CPNE8: variants seen among roughly 807,000 people sequenced by gnomAD.
CPNE8 encodes the protein copine-8.
A neutral mutation model predicts 81.5 loss-of-function variants in CPNE8; 45 were observed. That is an observed-to-expected ratio of 0.55 (90% CI 0.44 to 0.71). The LOEUF (loss-of-function observed/expected upper bound fraction) is 0.71. CPNE8 is among the 30% of genes least tolerant of loss of function. The pLI is 0.00. For missense variants in CPNE8, 594 were observed against 672.1 expected (o/e 0.88, Z 1.28); for synonymous variants, 252 against 226.3 (o/e 1.11, Z -1.02).
rs560592400 is a variant in CPNE8, at chr12:38,833,331, G to A, written c.331-3876C>T. Among the ~76,000 whole-genome samples the A allele has an allele frequency of 1.2e-4, 16 of 132,046 alleles. No individual in the cohort carries two copies. In the South Asian group the frequency reaches 1.3e-3, roughly 10 times the overall value. 86.6% of individuals were successfully genotyped at this position (132,046 alleles called of 152,430 possible). On this transcript the variant is annotated intron_variant, in intron 5 of 19. Coordinates refer to ENST00000331366, the MANE Select transcript of CPNE8 (RefSeq NM_153634.3). ...CGTGGCACTGTACTCCAGCCTGGGC[G>A]ACAGAGTGAGACCTTATCTCAAAAA...
At chr12:38,679,609 T>C (rs1250969467) in intron 16 of CPNE8, 1 of 985,006 alleles carries the variant, frequency 1.0e-6, no homozygotes, top group Non-Finnish European at 1.2e-6. Flanking sequence ...CAATCCATTT[T>C]AGTCTTTATC....
intron 6 of CPNE8, among the ~76,000 whole-genome samples, chr12:38,791,762 A>G (rs1301947115): frequency 6.6e-6 from 1 of 151,670 alleles, no homozygotes; most frequent in African/African-American, 2.4e-5. Flanking sequence ...AGAATATGTC[A>G]CTCAATAACA....
At chr12:38,810,012 T>TC (rs1482358274) in intron 6 of CPNE8, among the ~76,000 whole-genome samples, 2 of 152,194 alleles carry the variant, frequency 1.3e-5, no homozygotes, top group Non-Finnish European at 2.9e-5. Context: ...GGTTCACAAC[T>TC]CCATCAACTG....
intron 13 of CPNE8, among the ~76,000 whole-genome samples, chr12:38,711,747 G>A (rs992571188): frequency 2.0e-5 from 3 of 152,142 alleles, no homozygotes; most frequent in Non-Finnish European, 2.9e-5. Context: ...GGGATTACAG[G>A]CATGACCCAC....
At chr12:38,837,340 T>C (rs1472978519) in intron 5 of CPNE8, among the ~76,000 whole-genome samples, 2 of 152,086 alleles carry the variant, frequency 1.3e-5, no homozygotes, top group Non-Finnish European at 2.9e-5. Flanking sequence ...GCACATGATC[T>C]GGAAGGAAAA....
intron 1 of CPNE8, among the ~76,000 whole-genome samples, chr12:38,886,685 T>A (rs1944241977): frequency 6.6e-6 from 1 of 152,158 alleles, no homozygotes; most frequent in South Asian, 2.1e-4. Flanking sequence ...TTGCCTTCTA[T>A]GAAATTAAAA....
chr12:38,807,539 G>A (rs1942838123), intron 6 of CPNE8, among the ~76,000 whole-genome samples: 1 of 150,194 alleles, frequency 6.7e-6, no homozygotes, highest in African/African-American at 2.4e-5. Context: ...TGGGAAAACT[G>A]GCTAGCCATA....
At chr12:38,861,617 T>C (rs992226119) in intron 3 of CPNE8, among the ~76,000 whole-genome samples, 7 of 152,128 alleles carry the variant, frequency 4.6e-5, no homozygotes, top group African/African-American at 1.7e-4. Context: ...AATAAAATTA[T>C]ATTTTCATCA....
chr12:38,711,427 A>C (rs1450214983), intron 13 of CPNE8, among the ~76,000 whole-genome samples: 1 of 152,132 alleles, frequency 6.6e-6, no homozygotes, highest in Non-Finnish European at 1.5e-5. Flanking sequence ...CACAATCATA[A>C]AGTATGTAAC....
chr12:38,810,142 C>T (rs752480614), intron 6 of CPNE8, among the ~76,000 whole-genome samples: 4 of 151,948 alleles, frequency 2.6e-5, no homozygotes, highest in Non-Finnish European at 5.9e-5. Context: ...TATACTCTCC[C>T]TCTCTCTCTT....
chr12:38,741,148 C>T (rs1020341955), intron 10 of CPNE8, among the ~76,000 whole-genome samples: 1 of 152,152 alleles, frequency 6.6e-6, no homozygotes, highest in African/African-American at 2.4e-5. Flanking sequence ...ATCAAGCTAC[C>T]AATGACTTTC....
At chr12:38,834,475 T>C (rs1483787045) in intron 5 of CPNE8, among the ~76,000 whole-genome samples, 1 of 152,164 alleles carries the variant, frequency 6.6e-6, no homozygotes, top group Non-Finnish European at 1.5e-5. Flanking sequence ...CTTCTCTTAT[T>C]TTTACACTGG....
intron 6 of CPNE8, among the ~76,000 whole-genome samples, chr12:38,783,015 T>C (rs1390371796): frequency 6.6e-6 from 1 of 152,164 alleles, no homozygotes; most frequent in Non-Finnish European, 1.5e-5. Context: ...TGAAATTATA[T>C]CAGAAAAGAA....
intron 10 of CPNE8, among the ~76,000 whole-genome samples, chr12:38,756,915 TA>T (rs1478159318): frequency 6.6e-6 from 1 of 152,180 alleles, no homozygotes; most frequent in Non-Finnish European, 1.5e-5. Context: ...TTAGTATTTT[TA>T]AAAAGTAAAA....
At chr12:38,874,190 C>A (rs1431559450) in intron 2 of CPNE8, among the ~76,000 whole-genome samples, 1 of 152,012 alleles carries the variant, frequency 6.6e-6, no homozygotes, top group Non-Finnish European at 1.5e-5. Context: ...AGTTTTCTTT[C>A]AAATATAATA....
rs566776488 is a variant in CPNE8 at position 38,784,261 on chromosome 12, A to G, written c.408-7960T>C. Among the ~76,000 whole-genome samples, 41 of 152,348 alleles carry G rather than the reference A, an allele frequency of 2.7e-4. 1 individual carries two copies. The South Asian group carries it at 7.1e-3, about 26-fold the overall frequency. On this transcript the variant is annotated intron_variant, in intron 6 of 19. Transcript: ENST00000331366. ...CAGTCTTTTAATGGCAGAGTTGATC[A>G]TGCAGAATAAAGAATTAGTGAGCTT...
intron 7 of CPNE8, among the ~76,000 whole-genome samples, chr12:38,770,926 C>T (rs903795452): frequency 6.6e-6 from 1 of 152,114 alleles, no homozygotes; most frequent in Non-Finnish European, 1.5e-5. Context: ...CATATCATGA[C>T]ATATATTACC....
chr12:38,874,908 T>C (rs1944045700), intron 1 of CPNE8, among the ~76,000 whole-genome samples: 1 of 152,172 alleles, frequency 6.6e-6, no homozygotes, highest in Non-Finnish European at 1.5e-5. Context: ...TGCAAAATTG[T>C]TTGCAGTTCA....
At chr12:38,682,616 C>A (rs1452044415) in intron 16 of CPNE8, among the ~76,000 whole-genome samples, 2 of 152,122 alleles carry the variant, frequency 1.3e-5, no homozygotes, top group African/African-American at 4.8e-5. Flanking sequence ...TCAGTATATC[C>A]AAAGTACTGT....
Sources: allele counts gnomAD v4.1 joint callset (sites outside exome capture counted in the v4.1 genomes callset), GRCh38; gene constraint gnomAD v4.1.1; transcripts MANE v1.5; gene names NCBI Gene and HGNC (gene_info 2026-07-23, HGNC 2026-07-21).